The following OPCML variants were observed in gnomAD, a reference collection of about 807,000 sequenced individuals.
OPCML encodes the protein opioid binding protein/cell adhesion molecule like.
OPCML carries 13 observed loss-of-function variants against 37.8 expected under a neutral mutation model. The observed-to-expected ratio is 0.34, with a 90% CI of 0.22 to 0.55. OPCML has a LOEUF of 0.55. OPCML is among the 20% of genes least tolerant of loss of function. OPCML has a pLI of 0.91. For synonymous variants in OPCML, 176 were observed against 168.8 expected (o/e 1.04, Z -0.33); for missense variants, 341 against 435.6 (o/e 0.78, Z 1.93).
At chr11:133,073,037 C>T (rs1170367452) in intron 1 of OPCML, among the ~76,000 whole-genome samples, 4 of 152,166 alleles carry the variant, frequency 2.6e-5, no homozygotes, top group Admixed American at 6.5e-5. Flanking sequence ...GTCACCATAG[C>T]GAAGCTGAGG....
chr11:132,481,307 C>T (rs995371451), intron 4 of OPCML, among the ~76,000 whole-genome samples: 11 of 151,886 alleles, frequency 7.2e-5, no homozygotes, highest in Non-Finnish European at 1.3e-4. Context: ...CAACAAAGAT[C>T]AAAAGAGACA....
chr11:133,011,642 ATTTG>A (rs751488510), intron 1 of OPCML, among the ~76,000 whole-genome samples: 4 of 148,172 alleles, frequency 2.7e-5, no homozygotes, highest in Non-Finnish European at 6.0e-5. Flanking sequence ...TGATCCTTGT[ATTTG>A]TTAGGAAGCT....
intron 2 of OPCML, among the ~76,000 whole-genome samples, chr11:132,669,974 T>G (rs893194469): frequency 1.3e-5 from 2 of 152,104 alleles, no homozygotes; most frequent in Non-Finnish European, 2.9e-5. Context: ...TTCTTGTTAT[T>G]TATTTGTCAT....
At chr11:133,084,637 G>A (rs941043209) in intron 1 of OPCML, among the ~76,000 whole-genome samples, 7 of 152,282 alleles carry the variant, frequency 4.6e-5, no homozygotes, top group Non-Finnish European at 7.4e-5. Flanking sequence ...CCAGGCAGTC[G>A]GACAGATAGG....
At chr11:132,768,669 T>G (rs10791248) in intron 2 of OPCML, among the ~76,000 whole-genome samples, 40,271 of 151,980 alleles carry the variant, frequency 0.26, 5,879 homozygotes, top group Non-Finnish European at 0.34. Context: ...AGAAGGTAAG[T>G]CATTTAAAGG....
chr11:132,823,108 C>A (rs552256047), intron 2 of OPCML, among the ~76,000 whole-genome samples: 2 of 152,136 alleles, frequency 1.3e-5, no homozygotes, highest in Non-Finnish European at 1.5e-5. Flanking sequence ...CCTTACCTTA[C>A]TTTTAGGACT....
At chr11:132,920,562 G>A (rs1443864901) in intron 2 of OPCML, among the ~76,000 whole-genome samples, 5 of 152,140 alleles carry the variant, frequency 3.3e-5, no homozygotes, top group African/African-American at 7.2e-5. Flanking sequence ...CACTGCCTCC[G>A]AAGCCAGGGT....
chr11:132,704,700 A>C (rs1007345461), intron 2 of OPCML, among the ~76,000 whole-genome samples: 12 of 152,252 alleles, frequency 7.9e-5, no homozygotes, highest in African/African-American at 2.9e-4. Context: ...ATGGATGAAC[A>C]GTAGGAAAAA....
intron 1 of OPCML, among the ~76,000 whole-genome samples, chr11:133,054,840 T>A (rs1244180271): frequency 6.6e-6 from 1 of 151,730 alleles, no homozygotes; most frequent in East Asian, 1.9e-4. Flanking sequence ...TGAGACCCCA[T>A]GAAGGAGCCA....
chr11:133,248,665 T>C (rs967142966), intron 1 of OPCML, among the ~76,000 whole-genome samples: 6 of 152,136 alleles, frequency 3.9e-5, no homozygotes, highest in Non-Finnish European at 7.4e-5. Context: ...GGTAGGTAAG[T>C]AGTCCTAAGA....
intron 1 of OPCML, among the ~76,000 whole-genome samples, chr11:133,250,686 A>G (rs1046613890): frequency 5.3e-5 from 8 of 152,238 alleles, no homozygotes; most frequent in Admixed American, 3.9e-4. Flanking sequence ...TATTAGACTG[A>G]AAGAATACAG....
chr11:133,463,038 G>A (rs1187033807), intron 1 of OPCML, among the ~76,000 whole-genome samples: 2 of 150,028 alleles, frequency 1.3e-5, no homozygotes, highest in Non-Finnish European at 2.9e-5. Flanking sequence ...GCCACAGCCT[G>A]GATAAAACGT....
intron 1 of OPCML, among the ~76,000 whole-genome samples, chr11:133,373,648 A>G (rs902561879): frequency 2.0e-5 from 3 of 150,152 alleles, no homozygotes; most frequent in Non-Finnish European, 4.4e-5. Context: ...AAAAGAAAAG[A>G]AAAAGAAAAA....
chr11:133,335,905 A>G (rs1389283009), intron 1 of OPCML, among the ~76,000 whole-genome samples: 3 of 152,108 alleles, frequency 2.0e-5, no homozygotes, highest in African/African-American at 7.2e-5. Context: ...AGAGAACAAC[A>G]GTGATGGGAG....
chr11:133,093,572 C>G (rs553363339), intron 1 of OPCML, among the ~76,000 whole-genome samples: 11 of 152,268 alleles, frequency 7.2e-5, no homozygotes, highest in African/African-American at 2.6e-4. Flanking sequence ...ATTGGTATTA[C>G]TCTCAGAAAA....
intron 1 of OPCML, among the ~76,000 whole-genome samples, chr11:133,167,269 T>C (rs1950220950): frequency 6.6e-6 from 1 of 152,178 alleles, no homozygotes; most frequent in Non-Finnish European, 1.5e-5. Flanking sequence ...ATTATCAATA[T>C]TGTTATTATT....
intron 1 of OPCML, among the ~76,000 whole-genome samples, chr11:133,187,207 G>T (rs1436481953): frequency 6.6e-6 from 1 of 152,114 alleles, no homozygotes; most frequent in African/African-American, 2.4e-5. Context: ...TGGAGGTGTG[G>T]CATGGTGCTC....
chr11:133,058,440 A>T lies in OPCML; in HGVS notation c.62-115430T>A, dbSNP rs548744523. Among the ~76,000 whole-genome samples the T allele has an allele frequency of 5.3e-5, 8 of 152,298 alleles. No homozygotes were observed. In the South Asian group the frequency reaches 1.7e-3, roughly 32 times the overall value. ...GGTGCATCCTGATACACACAGAGAC[A>T]TGGGGATTCCAGCAAGAGCTCAGAT... is the stretch of plus-strand genomic sequence containing the variant. On this transcript the variant is annotated intron_variant, in intron 1 of 7. Coordinates refer to ENST00000524381, the MANE Select transcript of OPCML (RefSeq NM_001012393.5).
At chr11:132,952,708 G>A (rs533461512) in intron 1 of OPCML, among the ~76,000 whole-genome samples, 4 of 152,102 alleles carry the variant, frequency 2.6e-5, no homozygotes, top group East Asian at 1.9e-4. Flanking sequence ...CAAGCAGGGC[G>A]ATCCTCTGAG....
Sources: allele counts gnomAD v4.1 joint callset (sites outside exome capture counted in the v4.1 genomes callset), GRCh38; gene constraint gnomAD v4.1.1; transcripts MANE v1.5; gene names NCBI Gene and HGNC (gene_info 2026-07-23, HGNC 2026-07-21).